Variants in MTMR7 observed in about 807,000 individuals in gnomAD.
MTMR7 encodes myotubularin related protein 7.
A neutral mutation model predicts 81.2 loss-of-function variants in MTMR7; 76 were observed. The observed-to-expected ratio is 0.94, with a 90% CI of 0.78 to 1.13. MTMR7 has a LOEUF of 1.13. Among genes scored for constraint, MTMR7 ranks in the 50% most tolerant of loss-of-function variants. MTMR7 has a pLI of 0.00. For missense variants in MTMR7, 1,044 were observed against 820.0 expected (o/e 1.27, Z -3.34); for synonymous variants, 372 against 289.8 (o/e 1.28, Z -2.88).
chr8:17,393,682 A>C (rs1013266337), intron 1 of MTMR7, among the ~76,000 whole-genome samples: 2 of 140,378 alleles, frequency 1.4e-5, no homozygotes, highest in African/African-American at 6.1e-5. Context: ...GGAACAACAC[A>C]CACTGGGGCC....
chr8:17,359,543 C>G (rs79145523), intron 4 of MTMR7, among the ~76,000 whole-genome samples: 5,571 of 147,620 alleles, frequency 0.038, 367 homozygotes, highest in African/African-American at 0.13. Flanking sequence ...CTATACTGCA[C>G]TGTACTCTAG....
At chr8:17,306,035 T>G in intron 10 of MTMR7, 78 bp from the exon 11 acceptor site, 1 of 1,148,434 alleles carries the variant, frequency 8.7e-7, no homozygotes, top group South Asian at 1.5e-5. Context: ...AAAACAACCA[T>G]AAAAGCAACC....
intron 3 of MTMR7, among the ~76,000 whole-genome samples, chr8:17,367,868 G>GTT (rs113430159): frequency 2.7e-4 from 35 of 129,130 alleles, no homozygotes; most frequent in African/African-American, 7.2e-4. Flanking sequence ...AAGGTTTGGG[G>GTT]TTTTTTTTTT....
rs1586220419 is a variant in MTMR7 at position 17,341,367 on chromosome 8, G to A, written c.728C>T (p.Pro243Leu). ...SDFVYVVDTRPKLNAMANRAA... is the reference protein window; with the variant it reads ...SDFVYVVDTRLKLNAMANRAA... Reference sequence around the variant, plus strand: ...CATCGCAACGGTGACACTTACTTTAGGCCGGGTGTCAACGACATAAACGAA... The same window carrying A: ...CATCGCAACGGTGACACTTACTTTAAGCCGGGTGTCAACGACATAAACGAA... The change falls in exon 6 of 14, where the codon CCT becomes CTT. Residue 243 changes from proline (P) to leucine (L), a missense_variant. Physicochemically the swap from Pro to Leu is moderately conservative, Grantham distance 98. Transcript: ENST00000180173. The A allele has an allele frequency of 6.2e-7, 1 of 1,614,100 alleles. No homozygotes were observed. Among genetic ancestry groups the A allele is most frequent in the Non-Finnish European group, 8.5e-7 (1 of 1,179,970 alleles).
intron 1 of MTMR7, among the ~76,000 whole-genome samples, chr8:17,409,010 A>T (rs914218781): frequency 6.6e-6 from 1 of 152,176 alleles, no homozygotes; most frequent in Non-Finnish European, 1.5e-5. Flanking sequence ...TAATTGCAAA[A>T]TATGTTTCAT....
chr8:17,342,746 C>T (rs1819440553), intron 5 of MTMR7, among the ~76,000 whole-genome samples: 1 of 152,006 alleles, frequency 6.6e-6, no homozygotes, highest in African/African-American at 2.4e-5. Flanking sequence ...AAGCCTGAGG[C>T]CTACAGCCAG....
intron 1 of MTMR7, among the ~76,000 whole-genome samples, chr8:17,395,622 T>A (rs946300999): frequency 6.6e-6 from 1 of 152,214 alleles, no homozygotes; most frequent in African/African-American, 2.4e-5. Context: ...GTCATCCTAA[T>A]GGGTATAAAG....
chr8:17,411,994 T>C (rs1018349521), intron 1 of MTMR7, among the ~76,000 whole-genome samples: 3 of 152,236 alleles, frequency 2.0e-5, no homozygotes, highest in African/African-American at 7.2e-5. Flanking sequence ...AATTATTTAG[T>C]ACCACTTAAA....
At position 17,303,610 on chromosome 8, in the gene MTMR7, C is replaced by CT. The variant is rs10589081; in HGVS notation, c.1493+768dup. Among the ~76,000 whole-genome samples the CT allele has an allele frequency of 2.3e-3, 321 of 141,194 alleles. 1 individual carries two copies. The highest frequency in any genetic ancestry group is 3.7e-3 in the Middle Eastern group (1 of 270). The allele number at this position is 141,194 out of a possible 152,430, so 92.6% of individuals were successfully genotyped here. A position where few individuals can be genotyped will look rare whatever the true frequency, so the allele number is the denominator to read the frequency against. ...TCCCCATTCTCCCCATACATACAAT[C>CT]TTTTTTTTTTTTTTTTGAGATGGAG... On this transcript the variant is annotated intron_variant, in intron 12 of 13. Transcript: ENST00000180173.
intron 3 of MTMR7, among the ~76,000 whole-genome samples, chr8:17,369,430 A>AT (rs1306638147): frequency 2.6e-5 from 4 of 152,138 alleles, no homozygotes. Context: ...TGGACAAATC[A>AT]TAAGAAACTT....
chr8:17,397,522 T>C (rs1458788667), intron 1 of MTMR7, among the ~76,000 whole-genome samples: 11 of 152,100 alleles, frequency 7.2e-5, no homozygotes, highest in Admixed American at 7.2e-4. Flanking sequence ...ACAGACTTTG[T>C]CTTGTGTTTT....
intron 4 of MTMR7, among the ~76,000 whole-genome samples, chr8:17,356,213 T>C (rs1203494214): frequency 6.6e-6 from 1 of 152,178 alleles, no homozygotes; most frequent in Non-Finnish European, 1.5e-5. Flanking sequence ...TTAGCAATTT[T>C]TATCAGTACA....
intron 7 of MTMR7, among the ~76,000 whole-genome samples, chr8:17,316,482 T>C (rs1818080316): frequency 1.3e-5 from 2 of 149,276 alleles, no homozygotes; most frequent in South Asian, 4.3e-4. Context: ...AAAAAAAACC[T>C]TTCTACAGTC....
chr8:17,389,348 T>C (rs1030479292), intron 1 of MTMR7, among the ~76,000 whole-genome samples: 1 of 152,206 alleles, frequency 6.6e-6, no homozygotes, highest in Non-Finnish European at 1.5e-5. Context: ...AGTTATTTTA[T>C]TCCTAATATT....
rs143632295 is a variant in MTMR7, at chr8:17,337,109, C to T, written c.732+4254G>A. ...TACCTTGGCTGGGCACCGTGGCTCA[C>T]GCCTGTAATCCTAGCACTTTGGGAG... On this transcript the variant is annotated intron_variant, in intron 6 of 13. Transcript: ENST00000180173. 7.5e-3 allele frequency among the ~76,000 whole-genome samples: 1,145 copies of T among 152,204 alleles called. 22 individuals are homozygous for T. Among genetic ancestry groups the T allele is most frequent in the African/African-American group, 0.026 (1,063 of 41,528 alleles).
chr8:17,308,404 T>C (rs1055719317), intron 10 of MTMR7, among the ~76,000 whole-genome samples: 1 of 152,156 alleles, frequency 6.6e-6, no homozygotes, highest in Non-Finnish European at 1.5e-5. Flanking sequence ...TTCCTATGCT[T>C]TCCTGGAAAA....
At chr8:17,313,994 G>T (rs182135374) in intron 7 of MTMR7, among the ~76,000 whole-genome samples, 2 of 152,312 alleles carry the variant, frequency 1.3e-5, no homozygotes, top group East Asian at 3.9e-4. Context: ...GAGCATCAGG[G>T]TAGAGGCTTT....
chr8:17,307,876 G>A (rs1444375213), intron 10 of MTMR7, among the ~76,000 whole-genome samples: 9 of 151,246 alleles, frequency 6.0e-5, no homozygotes, highest in Non-Finnish European at 8.8e-5. Context: ...ATCACACACC[G>A]GGGACTGTTG....
chr8:17,312,836 T>C (rs563837127), intron 8 of MTMR7, among the ~76,000 whole-genome samples: 32 of 152,228 alleles, frequency 2.1e-4, no homozygotes, highest in East Asian at 3.9e-4. Flanking sequence ...ACAAAAGACA[T>C]TGCATTCTAA....
Sources: gnomAD v4.1 joint callset for allele counts (sites outside exome capture counted in the v4.1 genomes callset) on GRCh38, gnomAD v4.1.1 for gene constraint, MANE v1.5 for transcripts, NCBI Gene and HGNC (gene_info 2026-07-23, HGNC 2026-07-21) for gene names.